The following VPS13A variants were observed in gnomAD, a reference collection of about 807,000 sequenced individuals.
VPS13A encodes the protein vacuolar protein sorting 13 homolog A.
In VPS13A, 264 loss-of-function variants were observed where a neutral mutation model predicts 390.9. The ratio of observed to expected loss-of-function variants is 0.68; its 90% CI spans 0.61 to 0.75. VPS13A has a LOEUF of 0.75. Ranked by LOEUF, VPS13A falls within the 30% of genes least tolerant of loss-of-function variation. The pLI is 0.00. For missense variants in VPS13A, 3,409 were observed against 3,733.9 expected, an observed-to-expected ratio of 0.91 and a Z score of 2.27; for synonymous variants, 1,231 against 1,227.1, an observed-to-expected ratio of 1.00 and a Z score of -0.07.
intron 50 of VPS13A, among the ~76,000 whole-genome samples, chr9:77,341,348 A>T (rs1016662990): frequency 1.2e-4 from 19 of 152,226 alleles, no homozygotes; most frequent in African/African-American, 4.1e-4. Flanking sequence ...AAAAGAAAAA[A>T]AAGAAAGAAA....
At chr9:77,217,175 GA>G (rs1822912271) in intron 10 of VPS13A, among the ~76,000 whole-genome samples, 1 of 152,194 alleles carries the variant, frequency 6.6e-6, no homozygotes, top group African/African-American at 2.4e-5. Flanking sequence ...GGGAGTGAGA[GA>G]GTGAAATGAC....
At chr9:77,344,497 C>T (rs368821391) in intron 51 of VPS13A, among the ~76,000 whole-genome samples, 2 of 152,204 alleles carry the variant, frequency 1.3e-5, no homozygotes, top group African/African-American at 4.8e-5. Context: ...GTGGCTCACG[C>T]CTGTAACACC....
intron 42 of VPS13A, among the ~76,000 whole-genome samples, chr9:77,320,677 A>T (rs149601022): frequency 6.6e-6 from 1 of 152,214 alleles, no homozygotes; most frequent in Non-Finnish European, 1.5e-5. Context: ...TTTAGGTTAG[A>T]ATACACATGG....
intron 60 of VPS13A, 59 bp downstream of exon 60, chr9:77,365,632 C>T (rs1479807852): frequency 1.9e-6 from 2 of 1,050,592 alleles, no homozygotes; most frequent in Non-Finnish European, 3.0e-6. Flanking sequence ...ATTGATGTAG[C>T]ATTTATATTG....
At chr9:77,364,442 CAAAA>C (rs1054393866) in intron 59 of VPS13A, among the ~76,000 whole-genome samples, 22 of 150,822 alleles carry the variant, frequency 1.5e-4, no homozygotes, top group Non-Finnish European at 2.7e-4. Flanking sequence ...AACAAACAAA[CAAAA>C]AAAAACCCAT....
Position 77,371,109 on chromosome 9 carries a change from A to G in VPS13A, c.9037A>G (p.Ile3013Val), listed in dbSNP as rs185663133. ...VGAVARPTGG[I>V]IDMASSTFQG... ...AGCGGTAGCAAGGCCAACTGGAGGCATCATAGACATGGCTAGCAGTACATT... is the reference window on the plus strand; with the variant it reads ...AGCGGTAGCAAGGCCAACTGGAGGCGTCATAGACATGGCTAGCAGTACATT... The change falls in exon 67 of 72, where the codon ATC (isoleucine) becomes GTC (valine). Residue 3013 changes from isoleucine to valine, a missense_variant. Ile to Val is a conservative substitution (Grantham distance 29). This residue lies in a region of VPS13A where 318 missense variants were observed against 333.7 expected (regional missense o/e 0.95). Transcript: ENST00000360280. 9.6e-5 allele frequency: 155 copies of G among 1,614,152 alleles called. 1 individual carries two copies. In the Admixed American group the frequency reaches 2.5e-3, roughly 26 times the overall value.
At chr9:77,304,932 G>T (rs530390810) in intron 34 of VPS13A, among the ~76,000 whole-genome samples, 2 of 150,198 alleles carry the variant, frequency 1.3e-5, no homozygotes, top group Non-Finnish European at 3.0e-5. Context: ...AGAGATTTCA[G>T]ACTTTTTTTC....
intron 50 of VPS13A, among the ~76,000 whole-genome samples, chr9:77,343,529 G>T (rs1164148933): frequency 1.3e-5 from 2 of 152,088 alleles, no homozygotes; most frequent in Non-Finnish European, 2.9e-5. Context: ...TTTTCTTTTA[G>T]CTCTGTTTCC....
chr9:77,354,426 ACAC>A (rs1332934988), intron 54 of VPS13A, among the ~76,000 whole-genome samples: 1 of 152,124 alleles, frequency 6.6e-6, no homozygotes, highest in Non-Finnish European at 1.5e-5. Context: ...TAGATCAAAT[ACAC>A]CATAGATTTT....
At chr9:77,388,690 A>C (rs568824761) in intron 68 of VPS13A, among the ~76,000 whole-genome samples, 13 of 152,294 alleles carry the variant, frequency 8.5e-5, no homozygotes, top group Middle Eastern at 3.4e-3. Flanking sequence ...CACTGAAAAT[A>C]TTATAGGCAT....
At chr9:77,413,433 G>A (rs971136495) in intron 71 of VPS13A, among the ~76,000 whole-genome samples, 5 of 152,040 alleles carry the variant, frequency 3.3e-5, no homozygotes, top group East Asian at 3.9e-4. Context: ...CAGAAATAAC[G>A]CCGCATATCT....
chr9:77,284,839 G>A (rs1045527637), intron 31 of VPS13A, among the ~76,000 whole-genome samples: 2 of 151,884 alleles, frequency 1.3e-5, no homozygotes, highest in African/African-American at 2.4e-5. Context: ...GAGTGGCTGG[G>A]ATTACAGGTG....
chr9:77,212,971 A>G lies in VPS13A; in HGVS notation c.558A>G (p.Thr186=), dbSNP rs1251512982. Residue 186 remains threonine, a splice_region_variant and synonymous_variant, in exon 8 of 72, where the codon ACA becomes ACG. Transcript: ENST00000360280. Reference sequence around the variant, plus strand: ...CCATTGTTTTTTTTCCTTTTCAGACAACTGATCAATACTGGGTTCCATGTT... The same window carrying G: ...CCATTGTTTTTTTTCCTTTTCAGACGACTGATCAATACTGGGTTCCATGTT... The part of the protein sequence containing the change: ...GISLQNLSMQ[T]TDQYWVPCLH... 2 of 1,613,952 alleles carry G rather than the reference A, an allele frequency of 1.2e-6. No individual in the cohort carries two copies. The highest frequency in any genetic ancestry group is 2.7e-5 in the African/African-American group (2 of 75,038).
intron 6 of VPS13A, 31 bp from the exon 7 acceptor site, chr9:77,210,585 C>T (rs1162501974): frequency 6.2e-7 from 1 of 1,605,982 alleles, no homozygotes; most frequent in Non-Finnish European, 8.5e-7. Flanking sequence ...TACTAAAAAT[C>T]TGAATAAATT....
chr9:77,381,950 A>G, intron 67 of VPS13A, 26 bp from the exon 68 acceptor site: 1 of 1,477,382 alleles, frequency 6.8e-7, no homozygotes. Context: ...AATTTTTAAA[A>G]TAAAGTTATA....
chr9:77,369,327 T>G lies in VPS13A; in HGVS notation c.8582T>G (p.Leu2861Arg). The G allele has an allele frequency of 6.2e-7, 1 of 1,613,728 alleles. No homozygotes were observed. The change falls in exon 63 of 72, where the codon CTT (leucine) becomes CGT (arginine). Residue 2861 changes from leucine (L) to arginine (R), a missense_variant. Physicochemically the swap from Leu to Arg is moderately radical, Grantham distance 102. This residue lies in a region of VPS13A where 30 missense variants were observed against 63.4 expected (regional missense o/e 0.47). Coordinates refer to ENST00000360280, the MANE Select transcript of VPS13A (RefSeq NM_033305.3). ...ATTAAGCAGATGTATGTACTCATTC[T>G]TGGACTTGATGTTTTGGGAAATCCA... ...QAIKQMYVLI[L>R]GLDVLGNPFG...
Position 77,260,181 on chromosome 9 carries a change from CT to C in VPS13A, c.2385del (p.Glu796AsnfsTer3). ...GAATTGATTGAAAGCATTCCAAAAC[CT>C]GAACCAGTAACTGAAGTATCTGCCC... is the stretch of plus-strand genomic sequence containing the variant. ...IMELIESIPK[P>X]EPVTEVSAPV... On this transcript the variant is annotated frameshift_variant, in exon 23 of 72. Coordinates refer to ENST00000360280, the MANE Select transcript of VPS13A (RefSeq NM_033305.3). LOFTEE classifies it high-confidence loss of function. The C allele has an allele frequency of 6.2e-7, 1 of 1,613,170 alleles. No individual in the cohort carries two copies. The highest frequency in any genetic ancestry group is 8.5e-7 in the Non-Finnish European group (1 of 1,179,546).
intron 44 of VPS13A, among the ~76,000 whole-genome samples, chr9:77,322,544 T>A (rs1444677120): frequency 6.6e-6 from 1 of 151,876 alleles, no homozygotes; most frequent in East Asian, 1.9e-4. Context: ...TACGTCTTTT[T>A]TTTTAACATT....
rs1831900798 is a variant in VPS13A at position 77,357,799 on chromosome 9, A to C, written c.7914A>C (p.Ala2638=). 1.9e-6 allele frequency: 3 copies of C among 1,613,754 alleles called. No homozygotes were observed. The highest frequency in any genetic ancestry group is 2.5e-6 in the Non-Finnish European group (3 of 1,179,916). ...PALKVEYNTS[A]HQSSFRIQIY... ...TAAAAGTGGAATATAACACATCTGC[A>C]CATCAATCATCATTTAGAATTCAGA... The change falls in exon 56 of 72, where the codon GCA becomes GCC. Residue 2638 remains alanine, a synonymous_variant. Transcript: ENST00000360280.
Sources: allele counts gnomAD v4.1 joint callset (sites outside exome capture counted in the v4.1 genomes callset), GRCh38; gene constraint gnomAD v4.1.1; regional missense constraint gnomAD v4.1.1; transcripts MANE v1.5; gene names NCBI Gene and HGNC (gene_info 2026-07-23, HGNC 2026-07-21).